RNF20: variants seen among roughly 807,000 people sequenced by gnomAD.
RNF20 encodes the protein ring finger protein 20.
RNF20 carries 84 observed loss-of-function variants against 126.2 expected under a neutral mutation model. That is an observed-to-expected ratio of 0.67 (90% CI 0.56 to 0.80). The LOEUF (loss-of-function observed/expected upper bound fraction) is 0.80. Among genes scored for constraint, RNF20 ranks in the 30% least tolerant of loss-of-function variants. The pLI is 0.00. For synonymous variants in RNF20, 400 were observed against 414.3 expected, an observed-to-expected ratio of 0.97 and a Z score of 0.42; for missense variants, 869 against 1,188.2, an observed-to-expected ratio of 0.73 and a Z score of 3.95.
At chr9:101,555,822 G>A (rs1827523172) in intron 15 of RNF20, among the ~76,000 whole-genome samples, 1 of 151,686 alleles carries the variant, frequency 6.6e-6, no homozygotes, top group Non-Finnish European at 1.5e-5. Context: ...AGCTGGGCTT[G>A]GTGGCGCATG....
chr9:101,556,331 A>T (rs1262282526), intron 15 of RNF20, among the ~76,000 whole-genome samples: 1 of 152,178 alleles, frequency 6.6e-6, no homozygotes, highest in Non-Finnish European at 1.5e-5. Flanking sequence ...TGTAGATGAA[A>T]TAGCTTGGGA....
At chr9:101,561,282 A>C in intron 18 of RNF20, 52 bp downstream of exon 18, 1 of 1,570,724 alleles carries the variant, frequency 6.4e-7, no homozygotes, top group Non-Finnish European at 8.7e-7. Context: ...CTGAGGTCGG[A>C]AGTGACCCAT....
intron 15 of RNF20, among the ~76,000 whole-genome samples, 174 bp downstream of exon 15, chr9:101,555,017 T>C (rs1329964854): frequency 6.6e-6 from 1 of 152,182 alleles, no homozygotes; most frequent in Non-Finnish European, 1.5e-5. Flanking sequence ...CTTTCTGTTA[T>C]TTTGTTTTGT....
At chr9:101,540,770 T>G in intron 4 of RNF20, 23 bp from the exon 5 acceptor site, 1 of 1,585,764 alleles carries the variant, frequency 6.3e-7, no homozygotes, top group South Asian at 1.1e-5. Flanking sequence ...GGGGGGCTTC[T>G]TTTTTTCCCC....
chr9:101,551,613 A>ATGCATTATTGATATATATTTTTC, intron 10 of RNF20, 71 bp from the exon 11 acceptor site: 1 of 1,360,892 alleles, frequency 7.3e-7, no homozygotes, highest in Non-Finnish European at 9.9e-7. Context: ...TTTCAGAGTA[A>ATGCATTATTGATATATATTTTTC]TCCATAGAAT....
In RNF20 at chr9:101,533,884, GGTGAGAGCTGGA is replaced by G. The variant is rs1215416934; in HGVS notation, c.-56_-45del. 6.6e-6 allele frequency: 1 copy of G among 152,396 alleles called. No homozygotes were observed. Among genetic ancestry groups the G allele is most frequent in the Non-Finnish European group, 1.5e-5 (1 of 68,238 alleles). The allele number at this position is 152,396 out of a possible 1,614,324, so 9.4% of individuals were successfully genotyped here. On this transcript the variant is annotated 5_prime_UTR_variant, in exon 1 of 20. Coordinates refer to ENST00000389120, the MANE Select transcript of RNF20 (RefSeq NM_019592.7). ...TGCCTTGTCTCCGCCGCGGGTCAGGGGTGAGAGCTGGAATCTCTGCACGGGCCTTGGTGAGTA... is the reference window on the plus strand; with the variant it reads ...TGCCTTGTCTCCGCCGCGGGTCAGGGATCTCTGCACGGGCCTTGGTGAGTA...
intron 18 of RNF20, among the ~76,000 whole-genome samples, chr9:101,561,628 C>G (rs542787209): frequency 6.6e-6 from 1 of 152,110 alleles, no homozygotes; most frequent in African/African-American, 2.4e-5. Context: ...AAACTAATTA[C>G]TATAAAACAA....
At chr9:101,552,795 A>G (rs1047527457) in intron 13 of RNF20, 42 bp downstream of exon 13, 5 of 1,540,794 alleles carry the variant, frequency 3.2e-6, no homozygotes, top group Middle Eastern at 1.8e-4. Flanking sequence ...CTGAAAAGCT[A>G]AGATTAAGAC....
At position 101,550,733 on chromosome 9, in the gene RNF20, C is replaced by A; in HGVS notation, c.1220C>A (p.Thr407Asn). The change falls in exon 10 of 20, where the codon ACC (threonine) becomes AAC (asparagine). Residue 407 changes from threonine to asparagine, a missense_variant. Around this residue, in one of 8 missense-constraint regions of RNF20, gnomAD observed 153 missense variants for 226.4 expected, o/e 0.68. Coordinates refer to ENST00000389120, the MANE Select transcript of RNF20 (RefSeq NM_019592.7). ...AAAGCACACTTGGATGAGGCTCGGA[C>A]CCTGCTTCATGGCACCAGAGGAACC... Reference protein sequence around the residue: ...QLKAHLDEARTLLHGTRGTHQ... With the variant: ...QLKAHLDEARNLLHGTRGTHQ... 1.9e-6 allele frequency: 3 copies of A among 1,614,152 alleles called. No individual in the cohort carries two copies. Among genetic ancestry groups the A allele is most frequent in the Non-Finnish European group, 2.5e-6 (3 of 1,180,012 alleles).
chr9:101,546,435 TAA>T (rs1236021064), intron 6 of RNF20, among the ~76,000 whole-genome samples: 3 of 152,122 alleles, frequency 2.0e-5, no homozygotes, highest in Non-Finnish European at 2.9e-5. Flanking sequence ...AATTTGGGGG[TAA>T]AAATGGTTTT....
chr9:101,551,583 G>T, intron 10 of RNF20, 101 bp from the exon 11 acceptor site: 2 of 538,848 alleles, frequency 3.7e-6, no homozygotes, highest in Non-Finnish European at 5.3e-6. Flanking sequence ...GTTTCATTAC[G>T]TATAGATTGA....
Position 101,557,594 on chromosome 9 carries a change from C to G in RNF20, c.2380C>G (p.Gln794Glu). 1 of 1,609,900 alleles carries G rather than the reference C, an allele frequency of 6.2e-7. No individual in the cohort carries two copies. Among genetic ancestry groups the G allele is most frequent in the Non-Finnish European group, 8.5e-7 (1 of 1,176,350 alleles). The change falls in exon 16 of 20, where the codon CAG becomes GAG. Residue 794 changes from glutamine (Q) to glutamate (E), a missense_variant and splice_region_variant. Transcript: ENST00000389120. The stretch of plus-strand genomic sequence containing the variant: ...AGACCAGGTGTTGACTCTGAAGACT[C>G]AGGTAATTAGGATGAGTAGAGCTTT... Reference protein sequence around the residue: ...LADQVLTLKTQVDAQLQVVRK... With the variant: ...LADQVLTLKTEVDAQLQVVRK...
At chr9:101,553,556 A>G (rs1262926735) in intron 13 of RNF20, among the ~76,000 whole-genome samples, 1 of 150,850 alleles carries the variant, frequency 6.6e-6, no homozygotes, top group African/African-American at 2.4e-5. Context: ...TTTCCCTTTT[A>G]TTTCTCCCTC....
At chr9:101,557,324 T>G in intron 15 of RNF20, 60 bp from the exon 16 acceptor site, 1 of 1,263,840 alleles carries the variant, frequency 7.9e-7, no homozygotes, top group Middle Eastern at 2.1e-4. Context: ...TAGTTTCCTG[T>G]GCTCTTCCAT....
At position 101,547,183 on chromosome 9, in the gene RNF20, A is replaced by G. The variant is rs1357354416; in HGVS notation, c.941A>G (p.Tyr314Cys). 1.2e-6 allele frequency: 2 copies of G among 1,614,158 alleles called. No individual in the cohort carries two copies. The highest frequency in any genetic ancestry group is 3.3e-5 in the Admixed American group (2 of 60,026). Residue 314 changes from tyrosine to cysteine, a missense_variant, in exon 8 of 20, where the codon TAT (tyrosine) becomes TGT (cysteine). Tyr to Cys is a radical substitution (Grantham distance 194). This residue lies in a region of RNF20 where 153 missense variants were observed against 226.4 expected (regional missense o/e 0.68). Coordinates refer to ENST00000389120, the MANE Select transcript of RNF20 (RefSeq NM_019592.7). ...YKVYGAGSSL[Y>C]GGTITINARK... ...GTGTATGGAGCGGGGAGCAGTCTGT[A>G]TGGCGGCACAATCACTATCAATGCT...
At chr9:101,546,060 T>C (rs949813750) in intron 6 of RNF20, among the ~76,000 whole-genome samples, 8 of 152,162 alleles carry the variant, frequency 5.3e-5, no homozygotes, top group African/African-American at 9.7e-5. Flanking sequence ...CTTTCTGATA[T>C]AGCCTCAAAA....
chr9:101,562,505 T>TG lies in RNF20; in HGVS notation c.*84dup. On this transcript the variant is annotated 3_prime_UTR_variant, in exon 20 of 20. Coordinates refer to ENST00000389120, the MANE Select transcript of RNF20 (RefSeq NM_019592.7). ...AACCTCTACCTCTTCTCTCCTTGAC[T>TG]GTCACCTGTAGGACAGTTTATCAGT... 1 of 1,346,170 alleles carries TG rather than the reference T, an allele frequency of 7.4e-7. No individual in the cohort carries two copies. Among genetic ancestry groups the TG allele is most frequent in the Non-Finnish European group, 1.0e-6 (1 of 986,786 alleles). The allele number at this position is 1,346,170 out of a possible 1,614,324, so 83.4% of individuals were successfully genotyped here. A position where few individuals can be genotyped will look rare whatever the true frequency, so the allele number is the denominator to read the frequency against.
rs142415658 is a variant in RNF20, at chr9:101,544,826, A to G, written c.688A>G (p.Met230Val). ...GAACTCTTTCCTCGCACAGGAGAAT[A>G]TGAGGCTACAGGAATTGACAGATCT... ...ELNSFLAQEN[M>V]RLQELTDLLQ... The change falls in exon 6 of 20, where the codon ATG becomes GTG. Residue 230 changes from methionine to valine, a missense_variant. By Grantham distance (21) the Met-to-Val change is conservative. Transcript: ENST00000389120. The G allele has an allele frequency of 5.3e-5, 86 of 1,613,916 alleles. No homozygotes were observed. The highest frequency in any genetic ancestry group is 6.9e-5 in the Non-Finnish European group (81 of 1,179,898).
intron 9 of RNF20, 136 bp downstream of exon 9, chr9:101,547,654 A>T: frequency 1.9e-6 from 2 of 1,047,930 alleles, no homozygotes; most frequent in South Asian, 1.7e-5. Context: ...TTATGATAAA[A>T]CTCTTAACAA....
Sources: allele counts gnomAD v4.1 joint callset (sites outside exome capture counted in the v4.1 genomes callset), GRCh38; gene constraint gnomAD v4.1.1; regional missense constraint gnomAD v4.1.1; transcripts MANE v1.5; gene names NCBI Gene and HGNC (gene_info 2026-07-23, HGNC 2026-07-21).